The following DMD variants were observed in gnomAD, a reference collection of about 807,000 sequenced individuals.
The protein encoded by DMD is mutant dystrophin.
In DMD, 63 loss-of-function variants were observed where a neutral mutation model predicts 330.1. That is an observed-to-expected ratio of 0.19 (90% CI 0.16 to 0.24). The LOEUF (loss-of-function observed/expected upper bound fraction) is 0.24. Among genes scored for constraint, DMD ranks in the 10% least tolerant of loss-of-function variants. The probability of loss-of-function intolerance (pLI) is 1.00; values close to 1 mark genes in which losing one functional copy is unlikely to be tolerated. For synonymous variants in DMD, 1,223 were observed against 959.8 expected, an observed-to-expected ratio of 1.27 and a Z score of -5.07; for missense variants, 3,344 against 2,684.1, an observed-to-expected ratio of 1.25 and a Z score of -5.43.
At chrX:31,995,954 A>G (rs976778210) in intron 44 of DMD, among the ~76,000 whole-genome samples, 1 of 112,121 alleles carries the variant, frequency 8.9e-6, no homozygotes, top group Admixed American at 9.5e-5. Flanking sequence ...AGGACATTTG[A>G]TCACTATTTC....
chrX:32,830,958 A>C (rs1451439995), intron 4 of DMD, among the ~76,000 whole-genome samples: 1 of 111,583 alleles, frequency 9.0e-6, no homozygotes, highest in Non-Finnish European at 1.9e-5. Context: ...ATTCTTTAGT[A>C]TGGAGTAGTC....
At chrX:31,636,299 T>C (rs1275286936) in intron 54 of DMD, among the ~76,000 whole-genome samples, 1 of 111,218 alleles carries the variant, frequency 9.0e-6, no homozygotes, top group Non-Finnish European at 1.9e-5. Flanking sequence ...ATGACATGAG[T>C]TTACCTATAT....
At chrX:32,234,478 C>A (rs1024697104) in intron 43 of DMD, among the ~76,000 whole-genome samples, 1 of 111,364 alleles carries the variant, frequency 9.0e-6, no homozygotes, top group Non-Finnish European at 1.9e-5. Context: ...AAAAAAAATA[C>A]ACCAGAGATC....
At position 32,334,609 on chromosome X, in the gene DMD, G is replaced by A. The variant is rs901575407; in HGVS notation, c.5922+7491C>T. Among the ~76,000 whole-genome samples, 4 of 111,318 alleles carry A rather than the reference G, an allele frequency of 3.6e-5. No homozygotes were observed. In the East Asian group the frequency reaches 8.5e-4, roughly 24 times the overall value. ...GTTATTACTTTTCTTGTACATCTCT[G>A]CTTAAATTTAAGGAAATCCCAAACA... On this transcript the variant is annotated intron_variant, in intron 41 of 78. Transcript: ENST00000357033.
intron 7 of DMD, among the ~76,000 whole-genome samples, chrX:32,783,917 C>T (rs1477764252): frequency 9.4e-6 from 1 of 106,751 alleles, no homozygotes. Context: ...CTTAAATGAC[C>T]AACTTAAAAG....
At chrX:32,907,286 TG>T (rs1006551412) in intron 2 of DMD, among the ~76,000 whole-genome samples, 2 of 112,357 alleles carry the variant, frequency 1.8e-5, no homozygotes, top group Non-Finnish European at 3.8e-5. Context: ...GCTTTGCCAA[TG>T]TGAGGTTTCA....
intron 44 of DMD, among the ~76,000 whole-genome samples, chrX:32,201,269 T>G (rs895475692): frequency 8.9e-6 from 1 of 112,260 alleles, no homozygotes; most frequent in African/African-American, 3.2e-5. Flanking sequence ...ATGTGATCTT[T>G]CTTTCTCTCT....
intron 50 of DMD, among the ~76,000 whole-genome samples, chrX:31,784,522 C>A (rs1460804017): frequency 9.0e-6 from 1 of 111,652 alleles, no homozygotes; most frequent in Non-Finnish European, 1.9e-5. Flanking sequence ...TCCAGCAATC[C>A]CATTTCTGGG....
chrX:31,686,722 T>A (rs1239924939), intron 52 of DMD, among the ~76,000 whole-genome samples: 1 of 112,190 alleles, frequency 8.9e-6, no homozygotes, highest in East Asian at 2.8e-4. Context: ...CATATCCTAT[T>A]GCCTGTGTCT....
At chrX:31,552,124 C>T (rs778688335) in intron 55 of DMD, among the ~76,000 whole-genome samples, 3 of 112,010 alleles carry the variant, frequency 2.7e-5, no homozygotes, top group Non-Finnish European at 3.8e-5. Context: ...AACAATTGCG[C>T]AAATGCTCTC....
chrX:31,909,333 C>A (rs1221485655), intron 47 of DMD, among the ~76,000 whole-genome samples: 1 of 110,477 alleles, frequency 9.1e-6, no homozygotes, highest in East Asian at 2.9e-4. Context: ...CTAATTCAGG[C>A]CAGTCAGTTT....
intron 18 of DMD, among the ~76,000 whole-genome samples, chrX:32,515,570 A>G (rs762671318): frequency 9.0e-6 from 1 of 111,387 alleles, no homozygotes; most frequent in Non-Finnish European, 1.9e-5. Context: ...TTTCATTACC[A>G]ATTTGCGTTA....
At chrX:31,847,578 CTG>C (rs1195657736) in intron 48 of DMD, among the ~76,000 whole-genome samples, 2 of 111,376 alleles carry the variant, frequency 1.8e-5, no homozygotes, top group Non-Finnish European at 3.8e-5. Flanking sequence ...GGAAAATAAA[CTG>C]TAAGAAACTG....
chrX:32,711,700 CCA>C (rs2065208832), intron 7 of DMD, among the ~76,000 whole-genome samples: 2 of 111,952 alleles, frequency 1.8e-5, no homozygotes, highest in African/African-American at 3.2e-5. Flanking sequence ...CTCTACAGCA[CCA>C]CAGTCCCATT....
intron 62 of DMD, among the ~76,000 whole-genome samples, chrX:31,275,908 G>A (rs758432358): frequency 8.9e-6 from 1 of 112,051 alleles, no homozygotes; most frequent in Non-Finnish European, 1.9e-5. Context: ...TATATACTAT[G>A]TACATATTTA....
intron 2 of DMD, among the ~76,000 whole-genome samples, chrX:32,999,145 T>C (rs766990147): frequency 2.0e-4 from 22 of 112,512 alleles, no homozygotes; most frequent in African/African-American, 6.8e-4. Flanking sequence ...TTGATCGCGA[T>C]AGCAGTAGGG....
At chrX:32,916,340 G>A (rs1456496101) in intron 2 of DMD, among the ~76,000 whole-genome samples, 4 of 111,327 alleles carry the variant, frequency 3.6e-5, no homozygotes, top group African/African-American at 1.3e-4. Context: ...ACTCTAAATT[G>A]AGTCAGGTGT....
At chrX:32,743,045 C>T (rs2069506729) in intron 7 of DMD, among the ~76,000 whole-genome samples, 1 of 111,274 alleles carries the variant, frequency 9.0e-6, no homozygotes, top group Non-Finnish European at 1.9e-5. Context: ...TTTCAGTGGA[C>T]ATTGTTCCAA....
At position 32,099,456 on chromosome X, in the gene DMD, G is replaced by A. The variant is rs1012791841; in HGVS notation, c.6438+117460C>T. Among the ~76,000 whole-genome samples, 43 of 109,635 alleles carry A rather than the reference G, an allele frequency of 3.9e-4. No individual in the cohort carries two copies. In the South Asian group the frequency reaches 6.0e-3, roughly 15 times the overall value. ...ACACGTGCACACATATGTTTATTGC[G>A]GCTCTATTCACAATAGCAAAGACTT... On this transcript the variant is annotated intron_variant, in intron 44 of 78. Transcript: ENST00000357033.
Sources: allele counts gnomAD v4.1 joint callset (sites outside exome capture counted in the v4.1 genomes callset), GRCh38; gene constraint gnomAD v4.1.1; transcripts MANE v1.5; gene names NCBI Gene and HGNC (gene_info 2026-07-23, HGNC 2026-07-21).